Variants in MET observed in about 807,000 individuals in gnomAD.
MET encodes the protein hepatocyte growth factor receptor.
A neutral mutation model predicts 133.1 loss-of-function variants in MET; 48 were observed. The ratio of observed to expected loss-of-function variants is 0.36; its 90% confidence interval spans 0.29 to 0.46. MET has a LOEUF of 0.46. MET is among the 20% of genes least tolerant of loss of function. The probability of loss-of-function intolerance (pLI) is 1.00; values close to 1 mark genes in which losing one functional copy is unlikely to be tolerated. For synonymous variants in MET, 628 were observed against 616.5 expected (o/e 1.02, Z -0.28); for missense variants, 1,442 against 1,695.9 (o/e 0.85, Z 2.63).
At chr7:116,676,989 T>G (rs559537957) in intron 1 of MET, among the ~76,000 whole-genome samples, 8 of 36,674 alleles carry the variant, frequency 2.2e-4, no homozygotes, top group East Asian at 1.8e-3. Flanking sequence ...TGTTGTTTTG[T>G]TTTTTTTTTT....
chr7:116,778,084 G>T (rs1000711011), intron 16 of MET, among the ~76,000 whole-genome samples: 1 of 152,134 alleles, frequency 6.6e-6, no homozygotes, highest in African/African-American at 2.4e-5. Flanking sequence ...AAGATGAAAT[G>T]CATACTCTGT....
At chr7:116,691,566 G>A (rs1007647379) in intron 1 of MET, among the ~76,000 whole-genome samples, 9 of 152,122 alleles carry the variant, frequency 5.9e-5, no homozygotes, top group African/African-American at 1.4e-4. Context: ...TTACTGGCTC[G>A]CCTTAGCTTA....
chr7:116,734,231 TTC>T (rs1176352060), intron 3 of MET, among the ~76,000 whole-genome samples: 1 of 152,222 alleles, frequency 6.6e-6, no homozygotes, highest in African/African-American at 2.4e-5. Context: ...GACATTTTTT[TTC>T]CCCCCAAAGA....
At chr7:116,771,120 T>C (rs555019025) in intron 12 of MET, among the ~76,000 whole-genome samples, 86 of 152,308 alleles carry the variant, frequency 5.6e-4, no homozygotes, top group African/African-American at 1.9e-3. Flanking sequence ...CAGGACAGAA[T>C]TAATGTCCCA....
intron 15 of MET, 32 bp downstream of exon 15, chr7:116,775,143 A>G: frequency 6.2e-7 from 1 of 1,604,736 alleles, no homozygotes. Flanking sequence ...TTTGTTAAAT[A>G]CGATTTTCCA....
In MET at chr7:116,767,485, T is replaced by G. The variant is rs576757793; in HGVS notation, c.2584-2160T>G. Among the ~76,000 whole-genome samples the G allele has an allele frequency of 2.0e-5, 3 of 152,352 alleles. No individual in the cohort carries two copies. In the East Asian group the frequency reaches 5.8e-4, roughly 29 times the overall value. ...AGTAGATTTTGTGTCAAATGGAATT[T>G]GATTTGCTTCATGATCTAGCCCCTT... is the stretch of plus-strand genomic sequence containing the variant. On this transcript the variant is annotated intron_variant, in intron 11 of 20. Coordinates refer to ENST00000397752, the MANE Select transcript of MET (RefSeq NM_000245.4).
chr7:116,790,169 T>C (rs907601369), intron 19 of MET, among the ~76,000 whole-genome samples: 3 of 152,216 alleles, frequency 2.0e-5, no homozygotes, highest in African/African-American at 7.2e-5. Context: ...CATTTTTAAA[T>C]ACACAGTACA....
chr7:116,674,033 T>G (rs1222119998), intron 1 of MET, among the ~76,000 whole-genome samples: 1 of 152,254 alleles, frequency 6.6e-6, no homozygotes, highest in African/African-American at 2.4e-5. Flanking sequence ...TTAAAAATTC[T>G]ATTCCGTTTT....
In MET at chr7:116,672,345, G is replaced by A. The variant is rs1796002162; in HGVS notation, c.-247G>A. 2 of 322,964 alleles carry A rather than the reference G, an allele frequency of 6.2e-6. No individual in the cohort carries two copies. Among genetic ancestry groups the A allele is most frequent in the Non-Finnish European group, 1.1e-5 (2 of 178,016 alleles). 20.0% of individuals were successfully genotyped at this position (322,964 alleles called of 1,614,324 possible). The stretch of plus-strand genomic sequence containing the variant: ...AGCGCGCGTGTGGGAAGGGGCGGAG[G>A]GAGTGCGGCCGGCGGGCGGGCGGGG... On this transcript the variant is annotated 5_prime_UTR_variant, in exon 1 of 21. Transcript: ENST00000397752.
In MET at chr7:116,774,915, CCGA is replaced by C. The variant is rs2117029920; in HGVS notation, c.3065_3067del (p.Arg1022del). On this transcript the variant is annotated inframe_deletion, in exon 15 of 21. Coordinates refer to ENST00000397752, the MANE Select transcript of MET (RefSeq NM_000245.4). ...CTAATTCATCTCAGAACGGTTCATGCCGACAAGTGCAGTATCCTCTGACAGACA... is the reference window on the plus strand; with the variant it reads ...CTAATTCATCTCAGAACGGTTCATGCCAAGTGCAGTATCCTCTGACAGACA... 6.2e-7 allele frequency: 1 copy of C among 1,614,076 alleles called. No individual in the cohort carries two copies. The highest frequency in any genetic ancestry group is 1.3e-5 in the African/African-American group (1 of 75,022).
chr7:116,736,243 AGTAGATTAGTG>A (rs1213439168), intron 3 of MET, among the ~76,000 whole-genome samples: 1 of 152,146 alleles, frequency 6.6e-6, no homozygotes, highest in African/African-American at 2.4e-5. Flanking sequence ...AGAGATAGAA[AGTAGATTAGTG>A]GTAGTCAAGG....
At chr7:116,768,283 AT>A (rs1357604473) in intron 11 of MET, among the ~76,000 whole-genome samples, 1 of 152,180 alleles carries the variant, frequency 6.6e-6, no homozygotes, top group Non-Finnish European at 1.5e-5. Flanking sequence ...ACCTTTTCTC[AT>A]AAATCAAATC....
At chr7:116,766,500 A>G (rs1297172129) in intron 11 of MET, among the ~76,000 whole-genome samples, 1 of 152,210 alleles carries the variant, frequency 6.6e-6, no homozygotes, top group Non-Finnish European at 1.5e-5. Flanking sequence ...CCTGCTGCCC[A>G]GAGCCAGCCA....
rs774038166 is a variant in MET, at chr7:116,699,429, C to T, written c.345C>T (p.Asn115=). The T allele has an allele frequency of 2.0e-5, 32 of 1,613,924 alleles. No homozygotes were observed. Among genetic ancestry groups the T allele is most frequent in the Non-Finnish European group, 2.0e-5 (24 of 1,179,960 alleles). ...ANLSGGVWKD[N]INMALVVDTY... ...TATCAGGAGGTGTTTGGAAAGATAACATCAACATGGCTCTAGTTGTCGACA... is the reference window on the plus strand; with the variant it reads ...TATCAGGAGGTGTTTGGAAAGATAATATCAACATGGCTCTAGTTGTCGACA... The change falls in exon 2 of 21, where the codon AAC becomes AAT. Residue 115 remains asparagine (N), a synonymous_variant. Transcript: ENST00000397752.
intron 1 of MET, among the ~76,000 whole-genome samples, chr7:116,679,205 A>G (rs1320527721): frequency 6.6e-6 from 1 of 152,154 alleles, no homozygotes; most frequent in Non-Finnish European, 1.5e-5. Flanking sequence ...TATTTTGTAG[A>G]GTGTTGAATG....
intron 1 of MET, among the ~76,000 whole-genome samples, chr7:116,679,085 T>G (rs2116463171): frequency 6.6e-6 from 1 of 152,330 alleles, no homozygotes; most frequent in African/African-American, 2.4e-5. Context: ...TTGTAATCCT[T>G]ACTAACCCCA....
chr7:116,676,999 T>G (rs907262223), intron 1 of MET, among the ~76,000 whole-genome samples: 2 of 149,150 alleles, frequency 1.3e-5, no homozygotes, highest in East Asian at 2.0e-4. Flanking sequence ...TTTTTTTTTT[T>G]GTTTTTTTGT....
At chr7:116,709,819 A>G (rs1357628123) in intron 2 of MET, among the ~76,000 whole-genome samples, 1 of 152,190 alleles carries the variant, frequency 6.6e-6, no homozygotes, top group East Asian at 1.9e-4. Context: ...TTCTTCATGT[A>G]TTCAATAATA....
intron 2 of MET, among the ~76,000 whole-genome samples, chr7:116,703,247 TG>T (rs1162878755): frequency 9.2e-5 from 14 of 152,168 alleles, no homozygotes; most frequent in Admixed American, 6.6e-5. Flanking sequence ...ATCCTCACAA[TG>T]TGTCCATTTT....
Sources: allele counts gnomAD v4.1 joint callset (sites outside exome capture counted in the v4.1 genomes callset), GRCh38; gene constraint gnomAD v4.1.1; transcripts MANE v1.5; gene names NCBI Gene and HGNC (gene_info 2026-07-23, HGNC 2026-07-21).